CRPPA: variants seen among roughly 807,000 people sequenced by gnomAD.
The protein encoded by CRPPA is CDP-L-ribitol pyrophosphorylase A.
A neutral mutation model predicts 52.0 loss-of-function variants in CRPPA; 43 were observed. That is an observed-to-expected ratio of 0.83 (90% CI 0.65 to 1.07). The LOEUF (loss-of-function observed/expected upper bound fraction) is 1.07, where lower values mean the gene tolerates loss of function less well. CRPPA is among the 50% of genes least tolerant of loss of function. The pLI, the probability that CRPPA is intolerant of heterozygous loss-of-function variation, is 0.00. For synonymous variants in CRPPA, 250 were observed against 203.5 expected (o/e 1.23, Z -1.94); for missense variants, 629 against 551.7 (o/e 1.14, Z -1.40).
chr7:16,353,381 T>C (rs10251027), intron 3 of CRPPA, among the ~76,000 whole-genome samples: 3,218 of 151,400 alleles, frequency 0.021, 106 homozygotes, highest in African/African-American at 0.072. Context: ...AAAACAAAAG[T>C]CAAATTCATG....
chr7:16,229,134 C>A (rs1023671031), intron 8 of CRPPA, among the ~76,000 whole-genome samples: 2 of 151,950 alleles, frequency 1.3e-5, no homozygotes, highest in African/African-American at 4.8e-5. Context: ...TTGTATGGGA[C>A]ATCTTTTTCT....
chr7:16,340,857 A>G (rs2158488), intron 3 of CRPPA, among the ~76,000 whole-genome samples: 72,770 of 151,992 alleles, frequency 0.48, 17,771 homozygotes, highest in African/African-American at 0.57. Context: ...GCAACCAAAC[A>G]TTCTTCAGTA....
intron 3 of CRPPA, among the ~76,000 whole-genome samples, chr7:16,372,581 C>A (rs559427976): frequency 6.6e-6 from 1 of 152,240 alleles, no homozygotes; most frequent in Admixed American, 6.5e-5. Context: ...TGATATATCA[C>A]AATCGAACCT....
At chr7:16,172,479 T>TG (rs1382260231) in intron 9 of CRPPA, among the ~76,000 whole-genome samples, 8 of 152,204 alleles carry the variant, frequency 5.3e-5, no homozygotes, top group African/African-American at 1.9e-4. Flanking sequence ...GCCAAGAATA[T>TG]GAGCCTTGAA....
intron 2 of CRPPA, among the ~76,000 whole-genome samples, chr7:16,389,928 A>ATATATATAT (rs1554353907): frequency 4.7e-4 from 14 of 29,766 alleles, no homozygotes; most frequent in Admixed American, 1.1e-3. Context: ...AAAAAAAAAA[A>ATATATATAT]ATATATATAT....
At chr7:16,289,356 G>C (rs1479998728) in intron 5 of CRPPA, among the ~76,000 whole-genome samples, 2 of 152,058 alleles carry the variant, frequency 1.3e-5, no homozygotes, top group Non-Finnish European at 2.9e-5. Context: ...CTCATTATTT[G>C]AGGCAAGCAT....
intron 9 of CRPPA, among the ~76,000 whole-genome samples, chr7:16,162,802 G>T (rs1410368836): frequency 6.6e-6 from 1 of 152,050 alleles, no homozygotes; most frequent in Non-Finnish European, 1.5e-5. Context: ...CTATTATTGT[G>T]TGGGAGTCTA....
intron 8 of CRPPA, among the ~76,000 whole-genome samples, chr7:16,242,083 G>A (rs1783131725): frequency 6.7e-6 from 1 of 149,364 alleles, no homozygotes; most frequent in Non-Finnish European, 1.5e-5. Context: ...CTGAGTAGCT[G>A]GGATGGAACT....
At chr7:16,239,010 G>A (rs1172397790) in intron 8 of CRPPA, among the ~76,000 whole-genome samples, 2 of 151,754 alleles carry the variant, frequency 1.3e-5, no homozygotes, top group Non-Finnish European at 2.9e-5. Flanking sequence ...GTGGTGGCAG[G>A]TGACTATAAT....
At chr7:16,099,367 A>AGGG (rs1781995561) in intron 9 of CRPPA, among the ~76,000 whole-genome samples, 3 of 125,008 alleles carry the variant, frequency 2.4e-5, no homozygotes, top group Admixed American at 9.1e-5. Flanking sequence ...AGGGGAGTGT[A>AGGG]GAGGAAGGCA....
At chr7:16,191,463 G>C (rs1781607752) in intron 9 of CRPPA, among the ~76,000 whole-genome samples, 1 of 152,040 alleles carries the variant, frequency 6.6e-6, no homozygotes, top group Admixed American at 6.6e-5. Flanking sequence ...CTTTGATAAT[G>C]GTGGTGTGGC....
At chr7:16,369,668 G>A (rs1172160180) in intron 3 of CRPPA, among the ~76,000 whole-genome samples, 1 of 152,106 alleles carries the variant, frequency 6.6e-6, no homozygotes. Context: ...AAATAAGTAT[G>A]ATCTTTTTTT....
At chr7:16,383,078 GAGTTTCC>G (rs1452085848) in intron 2 of CRPPA, among the ~76,000 whole-genome samples, 2 of 152,192 alleles carry the variant, frequency 1.3e-5, no homozygotes, top group Non-Finnish European at 2.9e-5. Flanking sequence ...CTGCTTTTTA[GAGTTTCC>G]AGTTTTTCTG....
intron 9 of CRPPA, among the ~76,000 whole-genome samples, chr7:16,128,990 T>C (rs1782632840): frequency 6.6e-6 from 1 of 152,228 alleles, no homozygotes; most frequent in African/African-American, 2.4e-5. Flanking sequence ...TTGGTATGTA[T>C]TGCTTCAAGT....
At chr7:16,360,510 G>A (rs1177598268) in intron 3 of CRPPA, among the ~76,000 whole-genome samples, 1 of 152,186 alleles carries the variant, frequency 6.6e-6, no homozygotes, top group African/African-American at 2.4e-5. Context: ...AGTAGCAGTA[G>A]TAGTAGTAAG....
At chr7:16,338,513 C>T (rs1785742311) in intron 3 of CRPPA, among the ~76,000 whole-genome samples, 1 of 97,866 alleles carries the variant, frequency 1.0e-5, no homozygotes, top group African/African-American at 4.1e-5. Flanking sequence ...TTCCTTTCAA[C>T]ATAGATTATT....
At chr7:16,369,179 C>A (rs1786684105) in intron 3 of CRPPA, among the ~76,000 whole-genome samples, 1 of 152,144 alleles carries the variant, frequency 6.6e-6, no homozygotes. Flanking sequence ...GCCTTAAAAT[C>A]TGAGCTCCCC....
chr7:16,414,353 ACAC>A (rs1391294371), intron 1 of CRPPA, among the ~76,000 whole-genome samples: 2 of 20,516 alleles, frequency 9.7e-5, no homozygotes, highest in Admixed American at 4.7e-4. Flanking sequence ...CTACCCCAAC[ACAC>A]ACACACACAC....
chr7:16,109,237 C>A (rs1213538927), intron 9 of CRPPA, among the ~76,000 whole-genome samples: 1 of 151,680 alleles, frequency 6.6e-6, no homozygotes, highest in Non-Finnish European at 1.5e-5. Flanking sequence ...CACATTACAA[C>A]TGATAACACA....
Sources: gnomAD v4.1 joint callset for allele counts (sites outside exome capture counted in the v4.1 genomes callset) on GRCh38, gnomAD v4.1.1 for gene constraint, MANE v1.5 for transcripts, NCBI Gene and HGNC (gene_info 2026-07-23, HGNC 2026-07-21) for gene names.